The following FRY variants were observed in gnomAD, a reference collection of about 807,000 sequenced individuals.
FRY encodes protein furry homolog.
A neutral mutation model predicts 348.4 loss-of-function variants in FRY; 128 were observed. The ratio of observed to expected loss-of-function variants is 0.37; its 90% confidence interval spans 0.32 to 0.43. The LOEUF is 0.43. Among genes scored for constraint, FRY ranks in the 20% least tolerant of loss-of-function variants. The pLI is 1.00. For synonymous variants in FRY, 1,370 were observed against 1,374.7 expected (o/e 1.00, Z 0.08); for missense variants, 2,736 against 3,695.2 (o/e 0.74, Z 6.73).
intron 1 of FRY, among the ~76,000 whole-genome samples, chr13:32,071,410 C>T (rs1265161683): frequency 6.6e-6 from 1 of 152,078 alleles, no homozygotes; most frequent in Non-Finnish European, 1.5e-5. Context: ...TTGTAGTTCT[C>T]CTTGAAGAGG....
At chr13:32,112,547 G>T (rs138964046) in intron 3 of FRY, among the ~76,000 whole-genome samples, 119 of 152,264 alleles carry the variant, frequency 7.8e-4, no homozygotes, top group African/African-American at 2.5e-3. Context: ...CACATGTTGG[G>T]TTCTGAGAAC....
intron 47 of FRY, among the ~76,000 whole-genome samples, chr13:32,244,689 G>T (rs1458313696): frequency 6.6e-6 from 1 of 152,206 alleles, no homozygotes; most frequent in East Asian, 1.9e-4. Context: ...TTTGTTTGAG[G>T]GGATAAATAA....
chr13:32,252,867 A>G (rs866863532), intron 50 of FRY, among the ~76,000 whole-genome samples: 14 of 152,090 alleles, frequency 9.2e-5, no homozygotes, highest in African/African-American at 3.4e-4. Flanking sequence ...TTTTGGTGTT[A>G]TTGATCAGTG....
At chr13:32,078,659 G>A (rs2138528718) in intron 1 of FRY, among the ~76,000 whole-genome samples, 175 bp from the exon 2 acceptor site, 1 of 152,252 alleles carries the variant, frequency 6.6e-6, no homozygotes, top group East Asian at 1.9e-4. Flanking sequence ...CACAAACATA[G>A]TATAATGAAA....
intron 18 of FRY, 40 bp from the exon 19 acceptor site, chr13:32,173,327 A>G: frequency 1.3e-6 from 2 of 1,505,366 alleles, no homozygotes; most frequent in Non-Finnish European, 1.8e-6. Context: ...TTCCTTTGTT[A>G]TTTCGCTGAA....
intron 2 of FRY, among the ~76,000 whole-genome samples, chr13:32,087,496 A>G (rs2138568701): frequency 6.6e-6 from 1 of 152,324 alleles, no homozygotes; most frequent in East Asian, 1.9e-4. Flanking sequence ...ATGGTATATG[A>G]TGAATGGTTC....
chr13:32,040,607 TAAG>T (rs1872710318), intron 1 of FRY, among the ~76,000 whole-genome samples: 1 of 152,240 alleles, frequency 6.6e-6, no homozygotes, highest in Non-Finnish European at 1.5e-5. Context: ...GTATTCTGAA[TAAG>T]AAGAAGTTGT....
At chr13:32,261,438 A>G (rs1887640896) in intron 51 of FRY, 178 bp from the exon 52 acceptor site, 2 of 766,812 alleles carry the variant, frequency 2.6e-6, no homozygotes, top group Non-Finnish European at 2.4e-6. Flanking sequence ...TTACATGAAA[A>G]TAGTGTGCTT....
chr13:32,261,596 G>A lies in FRY; in HGVS notation c.7417-20G>A, dbSNP rs372796695. ...CAAGAGGATTTTGGCATAAAAAACC[G>A]GCTGATGGTGTGATTTCAGGGTGAG... On this transcript the variant is annotated intron_variant, in intron 51 of 60. Transcript: ENST00000542859. The A allele has an allele frequency of 2.0e-4, 318 of 1,610,134 alleles. No homozygotes were observed. The African/African-American group carries it at 2.4e-3, about 12-fold the overall frequency.
intron 2 of FRY, among the ~76,000 whole-genome samples, chr13:32,087,604 A>G (rs1277892930): frequency 1.3e-5 from 2 of 152,232 alleles, no homozygotes; most frequent in African/African-American, 4.8e-5. Flanking sequence ...ATTTTAGACC[A>G]TATCTGATGA....
At chr13:32,212,645 GTA>G (rs2138366430) in intron 35 of FRY, among the ~76,000 whole-genome samples, 1 of 152,292 alleles carries the variant, frequency 6.6e-6, no homozygotes, top group Admixed American at 6.5e-5. Context: ...TCAGGGCTTA[GTA>G]AAAACCATGA....
intron 38 of FRY, 69 bp from the exon 39 acceptor site, chr13:32,225,720 C>G: frequency 8.6e-7 from 1 of 1,162,958 alleles, no homozygotes; most frequent in South Asian, 1.2e-5. Flanking sequence ...ATCCTGGAAT[C>G]TTTACTATCC....
At chr13:32,104,311 C>T (rs949362200) in intron 3 of FRY, among the ~76,000 whole-genome samples, 2 of 152,200 alleles carry the variant, frequency 1.3e-5, no homozygotes, top group African/African-American at 4.8e-5. Context: ...AACTTTGCGT[C>T]TCCAAGTGTT....
In FRY at chr13:32,249,531, A is replaced by C; in HGVS notation, c.7014A>C (p.Pro2338=). 1 of 1,614,210 alleles carries C rather than the reference A, an allele frequency of 6.2e-7. No individual in the cohort carries two copies. Among genetic ancestry groups the C allele is most frequent in the Non-Finnish European group, 8.5e-7 (1 of 1,180,044 alleles). ...LDFHFDISET[P]IIGRRYDELQ... is the part of the protein sequence containing the mutation. ...GCGTTTGTCTTCTTCTCAAGACTCCAATCATCGGGAGGCGGTATGATGAGC... is the reference window on the plus strand; with the variant it reads ...GCGTTTGTCTTCTTCTCAAGACTCCCATCATCGGGAGGCGGTATGATGAGC... Residue 2338 remains proline (P), a synonymous_variant, in exon 49 of 61, where the codon CCA becomes CCC. Transcript: ENST00000542859.
Position 32,262,316 on chromosome 13 carries a change from C to T in FRY, c.7620C>T (p.Ile2540=). ...ASQILEHSDL[I]MTLSPSEETN... ...AATTTCCTTTGCTTTTTAAACAGAT[C>T]ATGACTCTCTCCCCCTCTGAAGAGA... is the stretch of plus-strand genomic sequence containing the variant. The change falls in exon 53 of 61, where the codon ATC becomes ATT. Residue 2540 remains isoleucine, a splice_region_variant and synonymous_variant. Transcript: ENST00000542859. The T allele has an allele frequency of 6.2e-7, 1 of 1,612,474 alleles. No individual in the cohort carries two copies. Among genetic ancestry groups the T allele is most frequent in the Non-Finnish European group, 8.5e-7 (1 of 1,178,640 alleles).
At chr13:32,145,928 C>T (rs1479743497) in intron 11 of FRY, among the ~76,000 whole-genome samples, 2 of 152,164 alleles carry the variant, frequency 1.3e-5, no homozygotes, top group Non-Finnish European at 2.9e-5. Flanking sequence ...ATTGGACTTC[C>T]TCTGTGGTCT....
At chr13:32,254,626 A>G (rs1189741811) in intron 51 of FRY, among the ~76,000 whole-genome samples, 1 of 152,202 alleles carries the variant, frequency 6.6e-6, no homozygotes, top group African/African-American at 2.4e-5. Context: ...TCTAAACGGC[A>G]AAGACCTGAG....
intron 47 of FRY, 133 bp downstream of exon 47, chr13:32,244,315 G>T: frequency 1.2e-6 from 1 of 827,406 alleles, no homozygotes; most frequent in Admixed American, 1.9e-5. Context: ...CACAGCCAGG[G>T]CAGTTAAGAG....
rs115399351 is a variant in FRY, at chr13:32,037,969, A to G, written c.70+6104A>G. On this transcript the variant is annotated intron_variant, in intron 1 of 60. Coordinates refer to ENST00000542859, the MANE Select transcript of FRY (RefSeq NM_023037.3). ...GTTCTGTAGACTAATAGACAAAGAT[A>G]TAAGCTTTTTATGCAGGTTCTGTTA... is the stretch of plus-strand genomic sequence containing the variant. Among the ~76,000 whole-genome samples the G allele has an allele frequency of 1.7e-3, 261 of 152,340 alleles. 1 individual carries two copies. The highest frequency in any genetic ancestry group is 6.2e-3 in the African/African-American group (258 of 41,570).
Sources: allele counts gnomAD v4.1 joint callset (sites outside exome capture counted in the v4.1 genomes callset), GRCh38; gene constraint gnomAD v4.1.1; transcripts MANE v1.5; gene names NCBI Gene and HGNC (gene_info 2026-07-23, HGNC 2026-07-21).